The following PID1 variants were observed in gnomAD, a reference collection of about 807,000 sequenced individuals.
PID1 encodes the protein phosphotyrosine interaction domain containing 1, also known as PTB-containing, cubilin and LRP1-interacting protein.
In PID1, 10 loss-of-function variants were observed where a neutral mutation model predicts 19.1. The observed-to-expected ratio is 0.52, with a 90% CI of 0.32 to 0.89. The LOEUF (loss-of-function observed/expected upper bound fraction) is 0.89. PID1 is among the 40% of genes least tolerant of loss of function. The probability of loss-of-function intolerance (pLI) is 0.03; values close to 1 mark genes in which losing one functional copy is unlikely to be tolerated. For missense variants in PID1, 248 were observed against 285.3 expected (o/e 0.87, Z 0.94); for synonymous variants, 130 against 116.0 (o/e 1.12, Z -0.78).
chr2:229,242,482 C>T (rs930954168), intron 1 of PID1, among the ~76,000 whole-genome samples: 1 of 152,104 alleles, frequency 6.6e-6, no homozygotes, highest in Admixed American at 6.5e-5. Flanking sequence ...TGGCCTCATG[C>T]TCCACTCAGC....
chr2:229,112,576 C>G (rs375676712), intron 2 of PID1, among the ~76,000 whole-genome samples: 1 of 152,164 alleles, frequency 6.6e-6, no homozygotes, highest in Non-Finnish European at 1.5e-5. Flanking sequence ...AGTTCTGCCT[C>G]CCGGGTTCAT....
At chr2:229,101,360 G>A (rs1244324791) in intron 2 of PID1, among the ~76,000 whole-genome samples, 2 of 152,108 alleles carry the variant, frequency 1.3e-5, no homozygotes, top group African/African-American at 4.8e-5. Flanking sequence ...ATTAGCTCTT[G>A]GGTTTTTATA....
chr2:229,093,132 CTTTTTCTTTTT>C (rs1223285924), intron 2 of PID1, among the ~76,000 whole-genome samples: 1 of 57,998 alleles, frequency 1.7e-5, no homozygotes, highest in Admixed American at 1.6e-4. Flanking sequence ...CTTTCTTTTT[CTTTTTCTTTTT>C]TTTTTTTGAG....
At chr2:229,263,597 A>G (rs980892559) in intron 1 of PID1, among the ~76,000 whole-genome samples, 5 of 152,206 alleles carry the variant, frequency 3.3e-5, no homozygotes, top group African/African-American at 1.2e-4. Flanking sequence ...CTGGGGCTTC[A>G]TCTGCAGAGA....
intron 2 of PID1, among the ~76,000 whole-genome samples, chr2:229,065,729 A>AAAAAAAAAAAAAT (rs765746020): frequency 1.4e-5 from 2 of 140,740 alleles, no homozygotes; most frequent in East Asian, 4.3e-4. Context: ...AAAAAAAAAA[A>AAAAAAAAAAAAAT]AAACAGGTTG....
chr2:229,065,258 A>G (rs2106196483), intron 2 of PID1, among the ~76,000 whole-genome samples: 1 of 152,280 alleles, frequency 6.6e-6, no homozygotes, highest in South Asian at 2.1e-4. Flanking sequence ...CCTTCCTTTG[A>G]GAAATACTGT....
intron 2 of PID1, among the ~76,000 whole-genome samples, chr2:229,123,662 T>G (rs1313697778): frequency 1.3e-5 from 2 of 152,190 alleles, no homozygotes; most frequent in Non-Finnish European, 2.9e-5. Flanking sequence ...GGTTTCACTT[T>G]CTACACATCC....
intron 2 of PID1, among the ~76,000 whole-genome samples, chr2:229,081,305 T>C (rs1444307512): frequency 6.6e-6 from 1 of 152,212 alleles, no homozygotes; most frequent in African/African-American, 2.4e-5. Flanking sequence ...ATTACTATGC[T>C]TAAGAAGCTT....
intron 2 of PID1, among the ~76,000 whole-genome samples, chr2:229,135,968 G>A (rs764355412): frequency 4.6e-5 from 7 of 152,086 alleles, no homozygotes; most frequent in East Asian, 3.8e-4. Context: ...TAAAATCCAC[G>A]CCTTTTTACT....
chr2:229,126,581 T>G (rs1165137557), intron 2 of PID1, among the ~76,000 whole-genome samples: 1 of 152,192 alleles, frequency 6.6e-6, no homozygotes, highest in African/African-American at 2.4e-5. Flanking sequence ...TAAATAACCT[T>G]TCCTCCATCA....
At chr2:229,176,609 T>C (rs1332057219) in intron 1 of PID1, among the ~76,000 whole-genome samples, 1 of 152,260 alleles carries the variant, frequency 6.6e-6, no homozygotes, top group Non-Finnish European at 1.5e-5. Flanking sequence ...TCTACTATGT[T>C]GTCTGTTGCC....
At chr2:229,097,695 TA>T (rs1453299101) in intron 2 of PID1, among the ~76,000 whole-genome samples, 1 of 152,196 alleles carries the variant, frequency 6.6e-6, no homozygotes, top group Non-Finnish European at 1.5e-5. Flanking sequence ...AAACACCTTT[TA>T]ATCACTATTT....
At chr2:229,210,823 G>C (rs540759979) in intron 1 of PID1, among the ~76,000 whole-genome samples, 1 of 152,168 alleles carries the variant, frequency 6.6e-6, no homozygotes, top group Non-Finnish European at 1.5e-5. Context: ...CCCTCCAGGG[G>C]AGACACCTAA....
intron 2 of PID1, among the ~76,000 whole-genome samples, chr2:229,061,783 T>A (rs1434307637): frequency 2.0e-5 from 3 of 151,994 alleles, no homozygotes; most frequent in Non-Finnish European, 4.4e-5. Flanking sequence ...ATTTCTTTCA[T>A]CAGTGTTTTA....
intron 2 of PID1, among the ~76,000 whole-genome samples, chr2:229,140,108 C>T (rs1020035952): frequency 1.3e-5 from 2 of 152,076 alleles, no homozygotes; most frequent in Non-Finnish European, 2.9e-5. Context: ...GCTATGTCCA[C>T]CCCGGAAGCT....
chr2:229,043,675 G>A (rs1269272973), intron 2 of PID1, among the ~76,000 whole-genome samples: 2 of 152,196 alleles, frequency 1.3e-5, no homozygotes, highest in Non-Finnish European at 2.9e-5. Flanking sequence ...CCAGGGAGCA[G>A]TCTTATTTTC....
intron 2 of PID1, among the ~76,000 whole-genome samples, chr2:229,089,680 T>C (rs1277654190): frequency 6.6e-6 from 1 of 152,196 alleles, no homozygotes; most frequent in African/African-American, 2.4e-5. Context: ...TACCACATGA[T>C]ACACTTAATA....
intron 1 of PID1, among the ~76,000 whole-genome samples, chr2:229,230,295 G>A (rs187812085): frequency 1.3e-4 from 20 of 151,532 alleles, no homozygotes; most frequent in Admixed American, 3.3e-4. Context: ...AGAAAGAAAC[G>A]AGAGAGAAAG....
intron 2 of PID1, among the ~76,000 whole-genome samples, chr2:229,127,229 T>C (rs765760120): frequency 5.9e-5 from 9 of 152,232 alleles, no homozygotes; most frequent in Non-Finnish European, 1.2e-4. Context: ...TCTCTCTTGC[T>C]GGCTGGGACA....
Sources: allele counts gnomAD v4.1 joint callset (sites outside exome capture counted in the v4.1 genomes callset), GRCh38; gene constraint gnomAD v4.1.1; transcripts MANE v1.5; gene names NCBI Gene and HGNC (gene_info 2026-07-23, HGNC 2026-07-21).